The following KLHL32 variants were observed in gnomAD, a reference collection of about 807,000 sequenced individuals.
The protein encoded by KLHL32 is kelch-like protein 32.
KLHL32 carries 35 observed loss-of-function variants against 64.8 expected under a neutral mutation model. The ratio of observed to expected loss-of-function variants is 0.54; its 90% CI spans 0.41 to 0.72. KLHL32 has a LOEUF of 0.72. Among genes scored for constraint, KLHL32 ranks in the 30% least tolerant of loss-of-function variants. The pLI is 0.00. For missense variants in KLHL32, 589 were observed against 768.5 expected (o/e 0.77, Z 2.76); for synonymous variants, 259 against 281.0 (o/e 0.92, Z 0.78).
chr6:96,928,766 GA>G (rs1769485478), intron 1 of KLHL32, among the ~76,000 whole-genome samples: 3 of 152,122 alleles, frequency 2.0e-5, no homozygotes. Context: ...TCAAAAATGG[GA>G]AAAGATTCTG....
chr6:97,052,994 C>G (rs1386347204), intron 4 of KLHL32, among the ~76,000 whole-genome samples: 1 of 152,020 alleles, frequency 6.6e-6, no homozygotes. Flanking sequence ...ACCTTTTAAT[C>G]TTGCATTAGG....
chr6:97,046,112 C>T (rs1785883155), intron 4 of KLHL32, among the ~76,000 whole-genome samples: 1 of 152,200 alleles, frequency 6.6e-6, no homozygotes, highest in South Asian at 2.1e-4. Context: ...AGTAATTCAT[C>T]TGTTCAAATT....
At chr6:96,986,586 C>A (rs1777108732) in intron 3 of KLHL32, among the ~76,000 whole-genome samples, 1 of 152,310 alleles carries the variant, frequency 6.6e-6, no homozygotes, top group South Asian at 2.1e-4. Context: ...CGCCCCTCCC[C>A]CAGCCTGGCT....
chr6:96,920,062 G>T (rs62415295), upstream of KLHL32, among the ~76,000 whole-genome samples: 1 of 152,178 alleles, frequency 6.6e-6, no homozygotes, highest in Non-Finnish European at 1.5e-5. Context: ...AAGAGTTTCA[G>T]GGAAAAAAAC....
intron 3 of KLHL32, among the ~76,000 whole-genome samples, chr6:96,984,029 T>G (rs1776690608): frequency 6.6e-6 from 1 of 152,190 alleles, no homozygotes; most frequent in South Asian, 2.1e-4. Flanking sequence ...TGGTATAAAT[T>G]TCCCTCTACA....
intron 4 of KLHL32, among the ~76,000 whole-genome samples, chr6:97,060,462 A>G (rs1453897740): frequency 6.6e-6 from 1 of 152,072 alleles, no homozygotes; most frequent in African/African-American, 2.4e-5. Context: ...TCCCAGCTCC[A>G]CCCTCCCAGA....
chr6:96,917,913 A>G, the KLHL32 span, among the ~76,000 whole-genome samples: 3 of 152,138 alleles, frequency 2.0e-5, no homozygotes, highest in Non-Finnish European at 4.4e-5. Flanking sequence ...CTAACAGTTG[A>G]GGTCAGATAA....
intron 4 of KLHL32, among the ~76,000 whole-genome samples, chr6:97,063,253 G>A (rs997854424): frequency 2.0e-5 from 3 of 152,214 alleles, no homozygotes; most frequent in African/African-American, 7.2e-5. Context: ...GAAGTCATGA[G>A]CAGTGATTGA....
intron 1 of KLHL32, among the ~76,000 whole-genome samples, chr6:96,937,632 G>C (rs995813567): frequency 1.3e-5 from 2 of 152,132 alleles, no homozygotes; most frequent in African/African-American, 2.4e-5. Flanking sequence ...AGTTGTGGAG[G>C]AGAGCATGGA....
At chr6:96,913,590 C>T in the KLHL32 span, among the ~76,000 whole-genome samples, 4 of 152,188 alleles carry the variant, frequency 2.6e-5, no homozygotes, top group Non-Finnish European at 5.9e-5. Flanking sequence ...GGCTCCAGCA[C>T]ACTGCAGTCT....
At chr6:96,959,350 G>A (rs939153077) in intron 1 of KLHL32, among the ~76,000 whole-genome samples, 1 of 152,118 alleles carries the variant, frequency 6.6e-6, no homozygotes, top group Non-Finnish European at 1.5e-5. Flanking sequence ...CCATAACAAA[G>A]TACCACAGAC....
intron 3 of KLHL32, among the ~76,000 whole-genome samples, chr6:97,012,165 G>A (rs1056170910): frequency 1.3e-5 from 2 of 152,134 alleles, no homozygotes; most frequent in African/African-American, 4.8e-5. Flanking sequence ...GAGCATTATG[G>A]TAGGCAAAAT....
At chr6:97,125,720 G>C (rs1306487080) in intron 7 of KLHL32, among the ~76,000 whole-genome samples, 1 of 152,156 alleles carries the variant, frequency 6.6e-6, no homozygotes, top group Non-Finnish European at 1.5e-5. Flanking sequence ...AGGTTGCAGT[G>C]AGCCGAGGTT....
At chr6:96,989,078 C>G (rs569049480) in intron 3 of KLHL32, among the ~76,000 whole-genome samples, 4 of 152,306 alleles carry the variant, frequency 2.6e-5, no homozygotes, top group African/African-American at 9.6e-5. Flanking sequence ...ACGTTGTGCA[C>G]ATGTACCCTA....
chr6:96,941,881 G>T (rs1160013347), intron 1 of KLHL32, among the ~76,000 whole-genome samples: 1 of 152,116 alleles, frequency 6.6e-6, no homozygotes, highest in Non-Finnish European at 1.5e-5. Flanking sequence ...TGAGGGGTCA[G>T]GTGCAGGAAG....
chr6:97,117,564 G>C (rs1797925492), intron 7 of KLHL32, among the ~76,000 whole-genome samples: 1 of 152,190 alleles, frequency 6.6e-6, no homozygotes, highest in Admixed American at 6.5e-5. Flanking sequence ...AAATCCTGCT[G>C]CGTGTACATA....
chr6:96,898,406 T>G, the KLHL32 span, among the ~76,000 whole-genome samples: 1 of 152,200 alleles, frequency 6.6e-6, no homozygotes, highest in Non-Finnish European at 1.5e-5. Flanking sequence ...GATGAGTATT[T>G]GTTCTCAGCC....
Position 97,114,266 on chromosome 6 carries a change from T to C in KLHL32, c.1111T>C (p.Tyr371His). Residue 371 changes from tyrosine (Y) to histidine (H), a missense_variant, in exon 7 of 11, where the codon TAT becomes CAT. By Grantham distance (83) the Tyr-to-His change is moderately conservative (BLOSUM62 2). Transcript: ENST00000369261. ...GTGTGCTGTGAGGACTGCCTGTCGC[T>C]ATGACCCCCGCAGTAATTCCTGGGC... ...RTCAVRTACR[Y>H]DPRSNSWAEI... is the part of the protein sequence containing the mutation. 1.9e-6 allele frequency: 3 copies of C among 1,614,130 alleles called. No homozygotes were observed. Among genetic ancestry groups the C allele is most frequent in the Non-Finnish European group, 2.5e-6 (3 of 1,180,026 alleles).
rs115021477 is a variant in KLHL32, at chr6:97,086,204, T to C, written c.627+863T>C. On this transcript the variant is annotated intron_variant, in intron 6 of 10. Coordinates refer to ENST00000369261, the MANE Select transcript of KLHL32 (RefSeq NM_052904.4). Reference sequence around the variant, plus strand: ...CTACCAGGGAAAATTTAAAGTCTTCTATTAGCTGATTAAACAGTGAATCCC... The same window carrying C: ...CTACCAGGGAAAATTTAAAGTCTTCCATTAGCTGATTAAACAGTGAATCCC... Among the ~76,000 whole-genome samples, 187 of 152,356 alleles carry C rather than the reference T, an allele frequency of 1.2e-3. 1 individual carries two copies. Among genetic ancestry groups the C allele is most frequent in the African/African-American group, 3.9e-3 (161 of 41,582 alleles).
Sources: gnomAD v4.1 joint callset for allele counts (sites outside exome capture counted in the v4.1 genomes callset) on GRCh38, gnomAD v4.1.1 for gene constraint, MANE v1.5 for transcripts, NCBI Gene and HGNC (gene_info 2026-07-23, HGNC 2026-07-21) for gene names.